The following TTC28 variants were observed in gnomAD, a reference collection of about 807,000 sequenced individuals.
TTC28 encodes the protein tetratricopeptide repeat domain 28.
Under a neutral mutation model 198.0 loss-of-function variants are expected in TTC28, and 61 were observed. That is an observed-to-expected ratio of 0.31 (90% confidence interval 0.25 to 0.38). The LOEUF (loss-of-function observed/expected upper bound fraction) is 0.38, where lower values mean the gene tolerates loss of function less well. Ranked by LOEUF, TTC28 falls within the 10% of genes least tolerant of loss-of-function variation. The pLI, the probability that TTC28 is intolerant of heterozygous loss-of-function variation, is 1.00. For synonymous variants in TTC28, 1,171 were observed against 1,297.8 expected (o/e 0.90, Z 2.10); for missense variants, 2,678 against 3,164.0 (o/e 0.85, Z 3.69).
At chr22:28,327,878 C>T (rs2045556322) in intron 2 of TTC28, among the ~76,000 whole-genome samples, 2 of 152,170 alleles carry the variant, frequency 1.3e-5, no homozygotes, top group African/African-American at 4.8e-5. Context: ...AATTTACCAA[C>T]ACTCTTCCAG....
chr22:28,554,390 T>C (rs1293482451), intron 2 of TTC28, among the ~76,000 whole-genome samples: 4 of 137,264 alleles, frequency 2.9e-5, no homozygotes, highest in Non-Finnish European at 6.3e-5. Context: ...AAAAAAAAGA[T>C]GAATCAAAGA....
At chr22:28,214,420 TAAAC>T (rs1264791723) in intron 5 of TTC28, among the ~76,000 whole-genome samples, 1 of 152,022 alleles carries the variant, frequency 6.6e-6, no homozygotes, top group Non-Finnish European at 1.5e-5. Flanking sequence ...ACAAAGAACT[TAAAC>T]AAATTTCCAA....
At chr22:28,162,239 A>G (rs1258748406) in intron 6 of TTC28, among the ~76,000 whole-genome samples, 1 of 152,246 alleles carries the variant, frequency 6.6e-6, no homozygotes, top group Non-Finnish European at 1.5e-5. Flanking sequence ...ACCAAGTACT[A>G]TCAAAACAGT....
At chr22:28,174,507 C>G (rs968265463) in intron 5 of TTC28, among the ~76,000 whole-genome samples, 5 of 152,260 alleles carry the variant, frequency 3.3e-5, no homozygotes, top group East Asian at 1.9e-4. Flanking sequence ...CACTGAAGAC[C>G]AGCATATGAT....
chr22:28,329,508 G>C (rs1333235433), intron 2 of TTC28, among the ~76,000 whole-genome samples: 1 of 152,146 alleles, frequency 6.6e-6, no homozygotes, highest in Non-Finnish European at 1.5e-5. Context: ...ACATGAAAAG[G>C]AAATGGCTTT....
chr22:28,538,888 T>A (rs150851905), intron 2 of TTC28, among the ~76,000 whole-genome samples: 18 of 152,262 alleles, frequency 1.2e-4, no homozygotes, highest in African/African-American at 4.1e-4. Context: ...TGGAACTATG[T>A]GCATGCTTTA....
intron 1 of TTC28, among the ~76,000 whole-genome samples, chr22:28,641,273 G>A (rs947977861): frequency 1.3e-5 from 2 of 151,490 alleles, no homozygotes; most frequent in Non-Finnish European, 1.5e-5. Context: ...GCAGTGAGCC[G>A]AGATCGCACC....
chr22:28,283,909 G>A (rs762265439), intron 5 of TTC28, among the ~76,000 whole-genome samples: 5 of 152,116 alleles, frequency 3.3e-5, no homozygotes, highest in Admixed American at 6.6e-5. Context: ...AGTAACTGCA[G>A]AAATGACCAG....
intron 12 of TTC28, among the ~76,000 whole-genome samples, chr22:28,080,207 CCAGAAATGGGATTGTTG>C (rs1941296851): frequency 6.6e-6 from 1 of 152,028 alleles, no homozygotes; most frequent in South Asian, 2.1e-4. Context: ...TTGTGTATAC[CCAGAAATGGGATTGTTG>C]CATTGTACAC....
chr22:28,321,206 TAACATC>T, intron 2 of TTC28, among the ~76,000 whole-genome samples: 1 of 152,316 alleles, frequency 6.6e-6, no homozygotes, highest in Middle Eastern at 3.4e-3. Context: ...GTAATCTAAT[TAACATC>T]AAACTGAGTT....
chr22:28,662,308 T>C (rs1253249024), intron 1 of TTC28, among the ~76,000 whole-genome samples: 1 of 152,206 alleles, frequency 6.6e-6, no homozygotes, highest in African/African-American at 2.4e-5. Context: ...GTAGTTATAA[T>C]TGATCACTAT....
At chr22:28,221,275 A>G (rs1292266222) in intron 5 of TTC28, among the ~76,000 whole-genome samples, 1 of 152,182 alleles carries the variant, frequency 6.6e-6, no homozygotes, top group Non-Finnish European at 1.5e-5. Context: ...AAAAACCAGG[A>G]GAACAAGGAT....
chr22:28,460,664 T>TAGAC (rs904319318), intron 2 of TTC28, among the ~76,000 whole-genome samples: 11 of 108,020 alleles, frequency 1.0e-4, no homozygotes, highest in South Asian at 3.0e-4. Flanking sequence ...GATAGATAGA[T>TAGAC]AGACAGACAG....
chr22:28,455,903 T>C (rs909641366), intron 2 of TTC28, among the ~76,000 whole-genome samples: 1 of 152,108 alleles, frequency 6.6e-6, no homozygotes, highest in Admixed American at 6.5e-5. Context: ...GTCATGCCTG[T>C]AATCCCAGCA....
intron 6 of TTC28, among the ~76,000 whole-genome samples, chr22:28,114,579 A>T (rs898066115): frequency 7.2e-6 from 1 of 138,964 alleles, no homozygotes; most frequent in African/African-American, 2.7e-5. Context: ...AAAGGTATAG[A>T]TTTTTTTTTT....
chr22:28,254,344 G>A (rs945379175), intron 5 of TTC28, among the ~76,000 whole-genome samples: 2 of 152,070 alleles, frequency 1.3e-5, no homozygotes, highest in East Asian at 1.9e-4. Context: ...ACATAAACTT[G>A]AAGAACATCA....
chr22:28,255,478 T>C (rs536227663), intron 5 of TTC28, among the ~76,000 whole-genome samples: 8 of 152,144 alleles, frequency 5.3e-5, no homozygotes, highest in African/African-American at 1.9e-4. Flanking sequence ...GGTCAGGAGT[T>C]CAAGACCAGC....
chr22:28,214,324 T>G (rs995967045), intron 5 of TTC28, among the ~76,000 whole-genome samples: 6 of 152,126 alleles, frequency 3.9e-5, no homozygotes, highest in Non-Finnish European at 7.3e-5. Flanking sequence ...CAAAAGAAAC[T>G]ACCATCAGAG....
At chr22:28,091,781 C>A (rs556724274) in intron 12 of TTC28, among the ~76,000 whole-genome samples, 1 of 152,252 alleles carries the variant, frequency 6.6e-6, no homozygotes, top group South Asian at 2.1e-4. Context: ...CCCCTGCTCT[C>A]ACAGAACTGA....
Sources: gnomAD v4.1 joint callset for allele counts (sites outside exome capture counted in the v4.1 genomes callset) on GRCh38, gnomAD v4.1.1 for gene constraint, MANE v1.5 for transcripts, NCBI Gene and HGNC (gene_info 2026-07-23, HGNC 2026-07-21) for gene names.